The following TMEFF2 variants were observed in gnomAD, a reference collection of about 807,000 sequenced individuals.
TMEFF2 encodes the protein tomoregulin-2.
TMEFF2 carries 28 observed loss-of-function variants against 53.8 expected under a neutral mutation model. That is an observed-to-expected ratio of 0.52 (90% CI 0.39 to 0.71). The LOEUF is 0.71. Among genes scored for constraint, TMEFF2 ranks in the 30% least tolerant of loss-of-function variants. The pLI is 0.00. For synonymous variants in TMEFF2, 162 were observed against 166.3 expected, an observed-to-expected ratio of 0.97 and a Z score of 0.20; for missense variants, 353 against 455.2, an observed-to-expected ratio of 0.78 and a Z score of 2.04.
rs188103320 is a variant in TMEFF2 at position 192,017,572 on chromosome 2, T to G, written c.537-18364A>C. 4.2e-4 allele frequency among the ~76,000 whole-genome samples: 64 copies of G among 152,308 alleles called. 1 individual carries two copies. The highest frequency in any genetic ancestry group is 1.5e-3 in the African/African-American group (62 of 41,562). ...CTTGTTGTGTTACCACTCTCGCTGGTTTTCCTTGTACCTCTCTTTCCCCCT... is the reference window on the plus strand; with the variant it reads ...CTTGTTGTGTTACCACTCTCGCTGGGTTTCCTTGTACCTCTCTTTCCCCCT... On this transcript the variant is annotated intron_variant, in intron 5 of 9. Coordinates refer to ENST00000272771, the MANE Select transcript of TMEFF2 (RefSeq NM_016192.4).
chr2:191,956,372 G>A lies in TMEFF2; in HGVS notation c.752C>T (p.Ala251Val). The change falls in exon 8 of 10, where the codon GCT (alanine) becomes GTT (valine). Residue 251 changes from alanine to valine, a missense_variant. Around this residue, in one of 3 missense-constraint regions of TMEFF2, gnomAD observed 294 missense variants for 397.3 expected, o/e 0.74. Coordinates refer to ENST00000272771, the MANE Select transcript of TMEFF2 (RefSeq NM_016192.4). ...HYARTDYAEN[A>V]NKLEESAREH... ...TCTGGCACTTTCTTCTAATTTGTTA[G>A]CATTCTCTGTGAATACAGATAAAAG... The A allele has an allele frequency of 6.2e-7, 1 of 1,613,198 alleles. No individual in the cohort carries two copies. Among genetic ancestry groups the A allele is most frequent in the South Asian group, 1.1e-5 (1 of 90,826 alleles).
Position 192,194,635 on chromosome 2 carries a change from G to C in TMEFF2, c.-111C>G, listed in dbSNP as rs1031556965. On this transcript the variant is annotated 5_prime_UTR_variant, in exon 1 of 10. Transcript: ENST00000272771. This position sits in a 1 kb window ranked among gnomAD's most constrained non-coding sequence, Gnocchi z 4.2. ...CGCGGACGGCGGCAGCAGAGGCGGC[G>C]GCGGTGGCAGTGGCACCCGGCGGGG... The C allele has an allele frequency of 3.1e-6, 4 of 1,296,130 alleles. No homozygotes were observed. The highest frequency in any genetic ancestry group is 1.5e-5 in the African/African-American group (1 of 67,884). 80.3% of individuals were successfully genotyped at this position (1,296,130 alleles called of 1,614,324 possible).
intron 7 of TMEFF2, among the ~76,000 whole-genome samples, chr2:191,958,841 AATC>A (rs2105790151): frequency 6.6e-6 from 1 of 152,350 alleles, no homozygotes; most frequent in East Asian, 1.9e-4. Flanking sequence ...GAAAATGAGG[AATC>A]ATCAATATAT....
intron 5 of TMEFF2, among the ~76,000 whole-genome samples, chr2:192,025,849 A>G (rs1166879180): frequency 1.3e-5 from 2 of 152,220 alleles, no homozygotes; most frequent in African/African-American, 4.8e-5. Context: ...GGGCACAGAT[A>G]CAGCACAGCT....
At chr2:192,085,286 A>G (rs1267474550) in intron 4 of TMEFF2, among the ~76,000 whole-genome samples, 1 of 152,114 alleles carries the variant, frequency 6.6e-6, no homozygotes. Context: ...GACTTTGGAT[A>G]AGTTCCTTGA....
At chr2:192,110,897 G>A (rs957322274) in intron 4 of TMEFF2, among the ~76,000 whole-genome samples, 3 of 152,224 alleles carry the variant, frequency 2.0e-5, no homozygotes, top group South Asian at 4.1e-4. Flanking sequence ...TACTGAATAA[G>A]TCTCATGAGA....
At chr2:192,093,378 T>A (rs375768866) in intron 4 of TMEFF2, among the ~76,000 whole-genome samples, 14 of 151,266 alleles carry the variant, frequency 9.3e-5, no homozygotes, top group African/African-American at 3.4e-4. Flanking sequence ...TGTTTCTATG[T>A]TCTTATAAAT....
At chr2:192,147,057 T>C (rs1196565249) in intron 4 of TMEFF2, among the ~76,000 whole-genome samples, 1 of 152,136 alleles carries the variant, frequency 6.6e-6, no homozygotes, top group Non-Finnish European at 1.5e-5. Context: ...AACTGCACTT[T>C]ACTTTAGCCT....
intron 4 of TMEFF2, among the ~76,000 whole-genome samples, chr2:192,096,228 A>G (rs1362834247): frequency 6.6e-6 from 1 of 152,178 alleles, no homozygotes; most frequent in Non-Finnish European, 1.5e-5. Flanking sequence ...GGCCTGTTTC[A>G]TTTCAAAGGA....
At chr2:191,965,978 TATTTG>T (rs1347000724) in intron 7 of TMEFF2, among the ~76,000 whole-genome samples, 26 of 132,400 alleles carry the variant, frequency 2.0e-4, no homozygotes, top group East Asian at 1.5e-3. Flanking sequence ...GCTGGTAATA[TATTTG>T]ATTTAAGAAA....
chr2:192,128,283 T>C (rs905162726), intron 4 of TMEFF2, among the ~76,000 whole-genome samples: 2 of 152,228 alleles, frequency 1.3e-5, no homozygotes, highest in African/African-American at 4.8e-5. Flanking sequence ...ATGTAAGAAT[T>C]GACAGGTGAG....
chr2:192,136,040 C>G (rs1241708689), intron 4 of TMEFF2, among the ~76,000 whole-genome samples: 3 of 152,150 alleles, frequency 2.0e-5, no homozygotes, highest in Non-Finnish European at 2.9e-5. Context: ...CACCTGCACC[C>G]AGGTGAAATA....
At chr2:192,140,015 C>T (rs1690099486) in intron 4 of TMEFF2, among the ~76,000 whole-genome samples, 2 of 152,104 alleles carry the variant, frequency 1.3e-5, no homozygotes, top group Admixed American at 1.3e-4. Context: ...AGGTAGTTGA[C>T]TCAAAGCTGG....
intron 5 of TMEFF2, among the ~76,000 whole-genome samples, chr2:192,033,016 G>A (rs1387403037): frequency 6.6e-6 from 1 of 152,048 alleles, no homozygotes; most frequent in Admixed American, 6.6e-5. Flanking sequence ...ATAGATTAAA[G>A]CACTAATTTT....
chr2:192,156,111 T>G (rs1690501134), intron 4 of TMEFF2, among the ~76,000 whole-genome samples: 1 of 151,796 alleles, frequency 6.6e-6, no homozygotes, highest in African/African-American at 2.4e-5. Context: ...AGCCAGATAC[T>G]TAGGCTGGTG....
intron 5 of TMEFF2, among the ~76,000 whole-genome samples, chr2:192,056,346 G>T (rs1296501793): frequency 6.6e-6 from 1 of 151,778 alleles, no homozygotes; most frequent in African/African-American, 2.4e-5. Flanking sequence ...GAGGAGAAGG[G>T]GAAAGACAGG....
At chr2:191,951,092 C>T (rs1183315595) in intron 9 of TMEFF2, among the ~76,000 whole-genome samples, 1 of 151,682 alleles carries the variant, frequency 6.6e-6, no homozygotes, top group Non-Finnish European at 1.5e-5. Context: ...TGTGAAGTAT[C>T]AGAATATATA....
chr2:192,022,510 T>A, intron 5 of TMEFF2, among the ~76,000 whole-genome samples: 1 of 152,226 alleles, frequency 6.6e-6, no homozygotes, highest in East Asian at 1.9e-4. Context: ...CTTATTCTCA[T>A]GAAACATCCC....
Position 192,194,503 on chromosome 2 carries a change from G to T in TMEFF2, c.22C>A (p.Arg8=). 1.2e-6 allele frequency: 2 copies of T among 1,613,682 alleles called. No individual in the cohort carries two copies. Among genetic ancestry groups the T allele is most frequent in the Non-Finnish European group, 1.7e-6 (2 of 1,180,014 alleles). The change falls in exon 1 of 10, where the codon CGG becomes AGG. Residue 8 remains arginine, a synonymous_variant. Coordinates refer to ENST00000272771, the MANE Select transcript of TMEFF2 (RefSeq NM_016192.4). The surrounding 1 kb of genome is among the most constrained non-coding windows in gnomAD (Gnocchi z 4.2). ...CAAAGTGTCCAGCTGCTGCACTGCC[G>T]CGGGGACTCCCACAGCACCATGACT... MVLWESP[R]QCSSWTLCEG...
Sources: allele counts gnomAD v4.1 joint callset (sites outside exome capture counted in the v4.1 genomes callset), GRCh38; gene constraint gnomAD v4.1.1; regional missense constraint gnomAD v4.1.1; non-coding constraint Gnocchi (gnomAD v3.1); transcripts MANE v1.5; gene names NCBI Gene and HGNC (gene_info 2026-07-23, HGNC 2026-07-21).